The following SLC17A6 variants were observed in gnomAD, a reference collection of about 807,000 sequenced individuals.
The protein encoded by SLC17A6 is vesicular glutamate transporter 2.
Under a neutral mutation model 67.1 loss-of-function variants are expected in SLC17A6, and 35 were observed. The ratio of observed to expected loss-of-function variants is 0.52; its 90% CI spans 0.40 to 0.69. SLC17A6 has a LOEUF of 0.69. Among genes scored for constraint, SLC17A6 ranks in the 30% least tolerant of loss-of-function variants. The pLI is 0.00. For synonymous variants in SLC17A6, 285 were observed against 252.3 expected, an observed-to-expected ratio of 1.13 and a Z score of -1.23; for missense variants, 588 against 723.9, an observed-to-expected ratio of 0.81 and a Z score of 2.15.
chr11:22,374,907 T>C lies in SLC17A6; in HGVS notation c.1174+20T>C, dbSNP rs766164297. 1 of 1,597,934 alleles carries C rather than the reference T, an allele frequency of 6.3e-7. No homozygotes were observed. ...GTGGTGGTAAGTACATAAGTGGCACTAAGGACATGTTTTTAGTTCAATCAG... is the reference window on the plus strand; with the variant it reads ...GTGGTGGTAAGTACATAAGTGGCACCAAGGACATGTTTTTAGTTCAATCAG... On this transcript the variant is annotated intron_variant, in intron 9 of 11. Coordinates refer to ENST00000263160, the MANE Select transcript of SLC17A6 (RefSeq NM_020346.3).
In SLC17A6 at chr11:22,362,833, A is replaced by G; in HGVS notation, c.748+8A>G. On this transcript the variant is annotated splice_region_variant and intron_variant, in intron 6 of 11. Transcript: ENST00000263160. ...CAGTGTTTTATGTCTACGGTATGTT[A>G]TATTTCTATGCAATAGAGTTAAAGG... 1 of 1,609,818 alleles carries G rather than the reference A, an allele frequency of 6.2e-7. No individual in the cohort carries two copies. Among genetic ancestry groups the G allele is most frequent in the South Asian group, 1.1e-5 (1 of 90,982 alleles).
intron 2 of SLC17A6, 84 bp downstream of exon 2, chr11:22,341,864 C>A: frequency 1.9e-6 from 3 of 1,539,230 alleles, no homozygotes; most frequent in South Asian, 1.3e-5. Context: ...GCCCCGTTCC[C>A]CCGCCACTGA....
intron 4 of SLC17A6, among the ~76,000 whole-genome samples, 178 bp downstream of exon 4, chr11:22,359,705 T>C (rs1275624093): frequency 1.3e-5 from 2 of 152,206 alleles, no homozygotes; most frequent in East Asian, 3.8e-4. Flanking sequence ...ATAAATGATA[T>C]GAAACCATGA....
chr11:22,339,151 A>ATAC (rs57725309), intron 1 of SLC17A6, among the ~76,000 whole-genome samples: 2 of 29,796 alleles, frequency 6.7e-5, no homozygotes, highest in Non-Finnish European at 1.1e-4. Context: ...TGTTATATAT[A>ATAC]GTTATATATA....
rs759545601 is a variant in SLC17A6, at chr11:22,370,202, A to T, written c.1041+14A>T. ...GAAATTAGCAAGGTATGTAAAATGTATTCTTATATAAATTGTGGATTACCT... is the reference window on the plus strand; with the variant it reads ...GAAATTAGCAAGGTATGTAAAATGTTTTCTTATATAAATTGTGGATTACCT... On this transcript the variant is annotated intron_variant, in intron 8 of 11. Coordinates refer to ENST00000263160, the MANE Select transcript of SLC17A6 (RefSeq NM_020346.3). The T allele has an allele frequency of 5.0e-6, 8 of 1,584,584 alleles. No homozygotes were observed. Among genetic ancestry groups the T allele is most frequent in the Non-Finnish European group, 6.0e-6 (7 of 1,168,486 alleles).
chr11:22,359,440 C>G lies in SLC17A6; in HGVS notation c.486C>G (p.Thr162=), dbSNP rs2133868981. The change falls in exon 4 of 12, where the codon ACC becomes ACG. Residue 162 remains threonine (T), a synonymous_variant. Transcript: ENST00000263160. ...TTTTCGGAGCTGCCATACTTCTTACCTCTACCCTAAATATGCTAATTCCAT... is the reference window on the plus strand; with the variant it reads ...TTTTCGGAGCTGCCATACTTCTTACGTCTACCCTAAATATGCTAATTCCAT... ...NRVFGAAILL[T]STLNMLIPSA... is the part of the protein sequence containing the mutation. 4 of 1,596,218 alleles carry G rather than the reference C, an allele frequency of 2.5e-6. No homozygotes were observed. Among genetic ancestry groups the G allele is most frequent in the East Asian group, 4.6e-5 (2 of 43,954 alleles).
chr11:22,375,069 A>G (rs1466109266), intron 9 of SLC17A6, among the ~76,000 whole-genome samples, 182 bp downstream of exon 9: 1 of 152,180 alleles, frequency 6.6e-6, no homozygotes, highest in Non-Finnish European at 1.5e-5. Flanking sequence ...GTTTTAAGTA[A>G]CTGCTTAATA....
At chr11:22,353,136 G>A (rs1855960444) in intron 3 of SLC17A6, among the ~76,000 whole-genome samples, 1 of 152,082 alleles carries the variant, frequency 6.6e-6, no homozygotes. Context: ...GTATAATAAT[G>A]GCTAACCTTG....
At chr11:22,347,620 T>A (rs1855893287) in intron 3 of SLC17A6, among the ~76,000 whole-genome samples, 2 of 152,322 alleles carry the variant, frequency 1.3e-5, no homozygotes, top group East Asian at 3.9e-4. Flanking sequence ...AAATGCCTTT[T>A]TTCATGAGTC....
chr11:22,362,920 C>T, intron 6 of SLC17A6, 95 bp downstream of exon 6: 1 of 844,476 alleles, frequency 1.2e-6, no homozygotes, highest in Non-Finnish European at 2.0e-6. Flanking sequence ...AAATACATTT[C>T]TATGTTTACT....
intron 3 of SLC17A6, among the ~76,000 whole-genome samples, chr11:22,347,352 C>T (rs1229050906): frequency 6.6e-6 from 1 of 152,024 alleles, no homozygotes; most frequent in Non-Finnish European, 1.5e-5. Context: ...ATCCCCTTTA[C>T]ACCTTAGTTT....
At position 22,343,023 on chromosome 11, in the gene SLC17A6, G is replaced by T; in HGVS notation, c.340-224G>T. 3.3e-6 allele frequency: 2 copies of T among 608,920 alleles called. 1 individual carries two copies. Among genetic ancestry groups the T allele is most frequent in the South Asian group, 3.2e-5 (2 of 61,992 alleles). The allele number at this position is 608,920 out of a possible 1,614,324, so 37.7% of individuals were successfully genotyped here. A position where few individuals can be genotyped will look rare whatever the true frequency, so the allele number is the denominator to read the frequency against. Reference sequence around the variant, plus strand: ...TGACAGTAGTCAGGGAGCAAAGCCAGTGCGCCTGGCCTCACTATTAATCAC... The same window carrying T: ...TGACAGTAGTCAGGGAGCAAAGCCATTGCGCCTGGCCTCACTATTAATCAC... On this transcript the variant is annotated intron_variant, in intron 2 of 11. Transcript: ENST00000263160.
At chr11:22,340,002 T>C (rs1204436566) in intron 1 of SLC17A6, among the ~76,000 whole-genome samples, 7 of 152,186 alleles carry the variant, frequency 4.6e-5, no homozygotes, top group African/African-American at 1.7e-4. Context: ...AGAATAAACA[T>C]TAACCTAGCC....
rs1300621836 is a variant in SLC17A6 at position 22,376,618 on chromosome 11, C to T, written c.1359C>T (p.Gly453=). The T allele has an allele frequency of 1.2e-6, 2 of 1,613,882 alleles. No homozygotes were observed. The highest frequency in any genetic ancestry group is 1.7e-5 in the Admixed American group (1 of 60,000). ...SILMGISNGV[G]TLSGMVCPII... is the part of the protein sequence containing the mutation. Reference sequence around the variant, plus strand: ...TAATGGGCATTTCGAATGGTGTTGGCACATTGTCAGGAATGGTTTGTCCTA... The same window carrying T: ...TAATGGGCATTTCGAATGGTGTTGGTACATTGTCAGGAATGGTTTGTCCTA... The change falls in exon 11 of 12, where the codon GGC becomes GGT. Residue 453 remains glycine, a synonymous_variant. Transcript: ENST00000263160.
chr11:22,374,771 C>A lies in SLC17A6; in HGVS notation c.1058C>A (p.Ala353Asp). The A allele has an allele frequency of 6.2e-7, 1 of 1,609,578 alleles. No individual in the cohort carries two copies. The highest frequency in any genetic ancestry group is 8.5e-7 in the Non-Finnish European group (1 of 1,178,398). ...FEISKVGMLS[A>D]VPHLVMTIIV... ...TTTCATCAGGTTGGTATGCTATCTG[C>A]TGTGCCACACTTAGTAATGACAATT... is the stretch of plus-strand genomic sequence containing the variant. Residue 353 changes from alanine (A) to aspartate (D), a missense_variant, in exon 9 of 12, where the codon GCT becomes GAT. Coordinates refer to ENST00000263160, the MANE Select transcript of SLC17A6 (RefSeq NM_020346.3).
chr11:22,354,283 C>T (rs988557979), intron 3 of SLC17A6, among the ~76,000 whole-genome samples: 1 of 152,074 alleles, frequency 6.6e-6, no homozygotes, highest in African/African-American at 2.4e-5. Flanking sequence ...GGGATTTCAC[C>T]ATGTTGGTCG....
chr11:22,341,916 C>A, intron 2 of SLC17A6, 136 bp downstream of exon 2: 1 of 1,322,158 alleles, frequency 7.6e-7, no homozygotes, highest in Admixed American at 2.5e-5. Flanking sequence ...TCTGGCTCTG[C>A]CGTTCTAGAA....
chr11:22,339,146 TATATAGTTA>T lies in SLC17A6; in HGVS notation c.86+528_86+536del, dbSNP rs1564976475. 5.8e-3 allele frequency among the ~76,000 whole-genome samples: 301 copies of T among 52,284 alleles called. 34 individuals carry two copies. Among genetic ancestry groups the T allele is most frequent in the African/African-American group, 0.01 (126 of 12,512 alleles). 34.3% of individuals were successfully genotyped at this position (52,284 alleles called of 152,430 possible). On this transcript the variant is annotated intron_variant, in intron 1 of 11. Coordinates refer to ENST00000263160, the MANE Select transcript of SLC17A6 (RefSeq NM_020346.3). ...ATATATATGTTATATATATATGTTA[TATATAGTTA>T]TATATATATGTTATATATATATGTT...
chr11:22,377,837 A>C lies in SLC17A6; in HGVS notation c.*97A>C. On this transcript the variant is annotated 3_prime_UTR_variant, in exon 12 of 12. Transcript: ENST00000263160. ...ACACGTGATGTAAACTTGCAAGCAT[A>C]TCAACCAGGCAAGTCTTGCTGTAAA... 1 of 979,196 alleles carries C rather than the reference A, an allele frequency of 1.0e-6. No individual in the cohort carries two copies. Among genetic ancestry groups the C allele is most frequent in the Non-Finnish European group, 1.5e-6 (1 of 675,988 alleles). The allele number at this position is 979,196 out of a possible 1,614,324, so 60.7% of individuals were successfully genotyped here.
Sources: allele counts gnomAD v4.1 joint callset (sites outside exome capture counted in the v4.1 genomes callset), GRCh38; gene constraint gnomAD v4.1.1; transcripts MANE v1.5; gene names NCBI Gene and HGNC (gene_info 2026-07-23, HGNC 2026-07-21).